UBE2E2: variants seen among roughly 807,000 people sequenced by gnomAD.
The protein encoded by UBE2E2 is ubiquitin-conjugating enzyme E2 E2.
A neutral mutation model predicts 24.7 loss-of-function variants in UBE2E2; 6 were observed. The observed-to-expected ratio is 0.24, with a 90% CI of 0.13 to 0.48. UBE2E2 has a LOEUF of 0.48. Ranked by LOEUF, UBE2E2 falls within the 20% of genes least tolerant of loss-of-function variation. The pLI is 0.99. For synonymous variants in UBE2E2, 104 were observed against 83.6 expected (o/e 1.24, Z -1.33); for missense variants, 169 against 245.0 (o/e 0.69, Z 2.07).
chr3:23,284,536 A>G (rs1559332891), intron 3 of UBE2E2, among the ~76,000 whole-genome samples: 1 of 152,132 alleles, frequency 6.6e-6, no homozygotes, highest in African/African-American at 2.4e-5. Flanking sequence ...ATTTTTTAAA[A>G]AAGAATCTTT....
intron 3 of UBE2E2, among the ~76,000 whole-genome samples, chr3:23,409,320 G>A (rs1697445473): frequency 6.6e-6 from 1 of 152,170 alleles, no homozygotes; most frequent in Non-Finnish European, 1.5e-5. Flanking sequence ...TGGCTGTGAT[G>A]TAATGCCAAA....
intron 3 of UBE2E2, among the ~76,000 whole-genome samples, chr3:23,225,872 TG>T (rs1392523160): frequency 7.1e-6 from 1 of 140,578 alleles, no homozygotes; most frequent in African/African-American, 2.7e-5. Flanking sequence ...TAGAAGAAAG[TG>T]TTTTTTTTTT....
rs1380694645 is a variant in UBE2E2, at chr3:23,427,251, A to C, written c.228-72357A>C. Among the ~76,000 whole-genome samples, 3 of 144,478 alleles carry C rather than the reference A, an allele frequency of 2.1e-5. No homozygotes were observed. In the East Asian group the frequency reaches 6.1e-4, roughly 30 times the overall value. 94.8% of individuals were successfully genotyped at this position (144,478 alleles called of 152,430 possible). A position where few individuals can be genotyped will look rare whatever the true frequency, so the allele number is the denominator to read the frequency against. ...AGCCTGGGCAACATGTTGAAACCCCATCTCTACCAAAAAAAAAAAAAAAAA... is the reference window on the plus strand; with the variant it reads ...AGCCTGGGCAACATGTTGAAACCCCCTCTCTACCAAAAAAAAAAAAAAAAA... On this transcript the variant is annotated intron_variant, in intron 3 of 5. Transcript: ENST00000396703.
chr3:23,353,458 A>G (rs1695827740), intron 3 of UBE2E2, among the ~76,000 whole-genome samples: 1 of 152,252 alleles, frequency 6.6e-6, no homozygotes, highest in Non-Finnish European at 1.5e-5. Flanking sequence ...CCCTGTTTGC[A>G]GATGACATGA....
intron 3 of UBE2E2, among the ~76,000 whole-genome samples, chr3:23,478,164 C>T (rs897155594): frequency 2.6e-5 from 4 of 152,192 alleles, no homozygotes; most frequent in Non-Finnish European, 5.9e-5. Flanking sequence ...ATTCATAAAT[C>T]CAATAAAAAG....
chr3:23,273,783 A>G (rs1160611966), intron 3 of UBE2E2: 1 of 152,382 alleles, frequency 6.6e-6, no homozygotes, highest in Non-Finnish European at 1.5e-5. Flanking sequence ...TTGACATGGT[A>G]CATGCTGGTT....
intron 3 of UBE2E2, among the ~76,000 whole-genome samples, chr3:23,381,948 A>G (rs1235612075): frequency 6.6e-6 from 1 of 152,158 alleles, no homozygotes; most frequent in African/African-American, 2.4e-5. Flanking sequence ...GGGTCTCACA[A>G]AATTCTGTTA....
intron 3 of UBE2E2, among the ~76,000 whole-genome samples, chr3:23,357,729 C>T (rs927211914): frequency 2.0e-5 from 3 of 152,020 alleles, no homozygotes; most frequent in Non-Finnish European, 4.4e-5. Flanking sequence ...CTCTGAGGGG[C>T]GATTTGACCC....
chr3:23,350,460 C>A (rs1203895841), intron 3 of UBE2E2, among the ~76,000 whole-genome samples: 2 of 152,090 alleles, frequency 1.3e-5, no homozygotes, highest in Non-Finnish European at 2.9e-5. Context: ...GAAATTCAAA[C>A]CAAAGGCAAA....
chr3:23,433,206 T>C (rs1006723443), intron 3 of UBE2E2, among the ~76,000 whole-genome samples: 1 of 151,966 alleles, frequency 6.6e-6, no homozygotes, highest in Non-Finnish European at 1.5e-5. Flanking sequence ...CAAAATCTTA[T>C]ACTCATATCT....
intron 3 of UBE2E2, among the ~76,000 whole-genome samples, chr3:23,469,562 C>A (rs778466): frequency 2.6e-5 from 4 of 151,950 alleles, no homozygotes; most frequent in Admixed American, 2.0e-4. Flanking sequence ...AAGAACCTCC[C>A]TATATTGCAT....
intron 3 of UBE2E2, among the ~76,000 whole-genome samples, chr3:23,424,453 C>A (rs1423477150): frequency 7.8e-6 from 1 of 127,936 alleles, no homozygotes; most frequent in Admixed American, 7.8e-5. Context: ...TTTTTTTTTT[C>A]TGTATTTGCT....
intron 3 of UBE2E2, among the ~76,000 whole-genome samples, chr3:23,499,140 G>A (rs936340387): frequency 6.6e-6 from 1 of 152,136 alleles, no homozygotes; most frequent in Non-Finnish European, 1.5e-5. Context: ...CTTTGGGTGG[G>A]GAGAAAGAAA....
At chr3:23,519,884 A>G (rs976587682) in intron 4 of UBE2E2, among the ~76,000 whole-genome samples, 3 of 151,256 alleles carry the variant, frequency 2.0e-5, no homozygotes, top group African/African-American at 2.4e-5. Flanking sequence ...GAGTTTTACC[A>G]TGTTGCCCAC....
chr3:23,295,037 T>A (rs1698873155), intron 3 of UBE2E2, among the ~76,000 whole-genome samples: 1 of 152,168 alleles, frequency 6.6e-6, no homozygotes, highest in Non-Finnish European at 1.5e-5. Context: ...AATTTTGCAG[T>A]TAAAAATGAT....
chr3:23,253,638 A>T (rs996967475), intron 3 of UBE2E2, among the ~76,000 whole-genome samples: 2 of 152,246 alleles, frequency 1.3e-5, no homozygotes, highest in African/African-American at 2.4e-5. Context: ...ATGGAAAATG[A>T]TAAAAAATAT....
intron 3 of UBE2E2, among the ~76,000 whole-genome samples, chr3:23,370,939 A>C (rs1267772481): frequency 6.6e-6 from 1 of 152,228 alleles, no homozygotes; most frequent in Non-Finnish European, 1.5e-5. Flanking sequence ...AAACTTGAAA[A>C]CGTTTAAAAG....
intron 3 of UBE2E2, among the ~76,000 whole-genome samples, chr3:23,472,973 A>G (rs1220450281): frequency 6.6e-6 from 1 of 152,014 alleles, no homozygotes; most frequent in Non-Finnish European, 1.5e-5. Flanking sequence ...AAAGTTTTTA[A>G]TCCTTTGATA....
intron 3 of UBE2E2, among the ~76,000 whole-genome samples, chr3:23,446,720 T>TA (rs1553612085): frequency 1.3e-4 from 19 of 145,334 alleles, no homozygotes; most frequent in African/African-American, 4.2e-4. Context: ...TTTTTTTTTT[T>TA]ATCCGTAGGG....
Sources: gnomAD v4.1 joint callset for allele counts (sites outside exome capture counted in the v4.1 genomes callset) on GRCh38, gnomAD v4.1.1 for gene constraint, MANE v1.5 for transcripts, NCBI Gene and HGNC (gene_info 2026-07-23, HGNC 2026-07-21) for gene names.